Variants in BMP7 observed in about 807,000 individuals in gnomAD.
BMP7 encodes the protein osteogenic protein 1.
Under a neutral mutation model 41.2 loss-of-function variants are expected in BMP7, and 12 were observed. The observed-to-expected ratio is 0.29, with a 90% confidence interval of 0.19 to 0.47. The LOEUF (loss-of-function observed/expected upper bound fraction) is 0.47, where lower values mean the gene tolerates loss of function less well. BMP7 is among the 20% of genes least tolerant of loss of function. The pLI is 0.99. For missense variants in BMP7, 467 were observed against 606.0 expected, an observed-to-expected ratio of 0.77 and a Z score of 2.41; for synonymous variants, 248 against 250.0, an observed-to-expected ratio of 0.99 and a Z score of 0.07.
At chr20:57,249,098 G>A (rs368706294) in intron 1 of BMP7, among the ~76,000 whole-genome samples, 1 of 152,056 alleles carries the variant, frequency 6.6e-6, no homozygotes, top group South Asian at 2.1e-4. Context: ...ACCACGCCCG[G>A]CTGACTGCTG....
intron 1 of BMP7, among the ~76,000 whole-genome samples, chr20:57,263,639 G>A (rs1489619471): frequency 6.6e-6 from 1 of 152,156 alleles, no homozygotes; most frequent in East Asian, 1.9e-4. Flanking sequence ...CATTCAGTGG[G>A]AGTCCGGGGT....
rs550273460 is a variant in BMP7, at chr20:57,208,705, T to G, written c.612-6082A>C. 8.5e-5 allele frequency among the ~76,000 whole-genome samples: 13 copies of G among 152,286 alleles called. No individual in the cohort carries two copies. In the South Asian group the frequency reaches 2.7e-3, roughly 32 times the overall value. On this transcript the variant is annotated intron_variant, in intron 2 of 6. Transcript: ENST00000395863. ...AAGTGTCCATCAACTCATGAACAGA[T>G]AAACAAAATACAGTCAATTGATACA...
chr20:57,225,826 CT>C, intron 2 of BMP7: 2 of 470,564 alleles, frequency 4.3e-6, no homozygotes, highest in South Asian at 3.1e-5. Flanking sequence ...GCTTCTCACC[CT>C]ATTCCCTTCC....
chr20:57,252,646 G>A (rs1158880998), intron 1 of BMP7, among the ~76,000 whole-genome samples: 1 of 152,238 alleles, frequency 6.6e-6, no homozygotes, highest in Non-Finnish European at 1.5e-5. Flanking sequence ...TCTCCAGGGT[G>A]TTTCAAAGCC....
intron 3 of BMP7, among the ~76,000 whole-genome samples, chr20:57,190,148 G>T (rs750704349): frequency 1.1e-4 from 17 of 152,092 alleles, no homozygotes; most frequent in African/African-American, 3.1e-4. Flanking sequence ...GGAACCGGAG[G>T]GGGTGAAGCT....
intron 2 of BMP7, among the ~76,000 whole-genome samples, chr20:57,204,529 A>G (rs1225333132): frequency 6.6e-6 from 1 of 152,270 alleles, no homozygotes. Context: ...AGAAACAGAC[A>G]GGAACCGAGG....
At chr20:57,206,626 G>A (rs1283465708) in intron 2 of BMP7, among the ~76,000 whole-genome samples, 1 of 152,186 alleles carries the variant, frequency 6.6e-6, no homozygotes, top group African/African-American at 2.4e-5. Flanking sequence ...ATGGAGAAGG[G>A]ATAAGGCAAG....
chr20:57,262,005 C>T (rs1320159232), intron 1 of BMP7, among the ~76,000 whole-genome samples: 1 of 152,226 alleles, frequency 6.6e-6, no homozygotes, highest in Non-Finnish European at 1.5e-5. Flanking sequence ...TATAGGCTGA[C>T]TCCAATAATG....
chr20:57,169,759 G>GTT lies in BMP7; in HGVS notation c.*1198_*1199dup. 2 of 149,380 alleles carry GTT rather than the reference G, an allele frequency of 1.3e-5. No homozygotes were observed. Among genetic ancestry groups the GTT allele is most frequent in the East Asian group, 2.0e-4 (1 of 5,084 alleles). 9.3% of individuals were successfully genotyped at this position (149,380 alleles called of 1,614,324 possible). ...TGGAGAACTAGGCTTCATTGGTGCT[G>GTT]TTTTTTTTTTCTTTTGAGATGGAGT... is the stretch of plus-strand genomic sequence containing the variant. On this transcript the variant is annotated 3_prime_UTR_variant, in exon 7 of 7. Transcript: ENST00000395863.
chr20:57,199,345 C>A (rs1369761111), intron 3 of BMP7, among the ~76,000 whole-genome samples: 1 of 152,166 alleles, frequency 6.6e-6, no homozygotes, highest in East Asian at 1.9e-4. Flanking sequence ...TGTCACTGGG[C>A]CAGGCCTCAA....
rs2123058395 is a variant in BMP7, at chr20:57,175,419, C to G, written c.959-412G>C. 2.0e-5 allele frequency among the ~76,000 whole-genome samples: 3 copies of G among 152,346 alleles called. No homozygotes were observed. In the South Asian group the frequency reaches 6.2e-4, roughly 32 times the overall value. On this transcript the variant is annotated intron_variant, in intron 4 of 6. Transcript: ENST00000395863. ...GAGATCTGCTTATGAACAACCTCAA[C>G]TCGTGAGGCCCCAACACACTCATCC...
At chr20:57,201,599 A>G (rs1984622023) in intron 3 of BMP7, among the ~76,000 whole-genome samples, 1 of 152,266 alleles carries the variant, frequency 6.6e-6, no homozygotes, top group Non-Finnish European at 1.5e-5. Context: ...TTACACATGT[A>G]TTGTTCATAG....
At chr20:57,212,145 G>C (rs934142443) in intron 2 of BMP7, among the ~76,000 whole-genome samples, 6 of 152,194 alleles carry the variant, frequency 3.9e-5, no homozygotes, top group African/African-American at 9.7e-5. Context: ...AGAGGCCTCT[G>C]GGTGAGCAAG....
In BMP7 at chr20:57,266,350, C is replaced by G; in HGVS notation, c.-228G>C. On this transcript the variant is annotated 5_prime_UTR_variant, in exon 1 of 7. Transcript: ENST00000395863. ...TCGCCCCGCACTCGCCCGGGCGCAC[C>G]GCAGGGCTTGGAAAGCAGCCCCGGC... is the stretch of plus-strand genomic sequence containing the variant. The G allele has an allele frequency of 3.6e-6, 1 of 281,362 alleles. No individual in the cohort carries two copies. The highest frequency in any genetic ancestry group is 6.4e-6 in the Non-Finnish European group (1 of 157,238). 17.4% of individuals were successfully genotyped at this position (281,362 alleles called of 1,614,324 possible).
Position 57,215,626 on chromosome 20 carries a change from G to A in BMP7, c.611+12603C>T, listed in dbSNP as rs1389361290. ...CTGGGGGGTCCCCCCAGAAAAATCTGGGGGGCACTGCAGAGCTTCTGACAC... is the reference window on the plus strand; with the variant it reads ...CTGGGGGGTCCCCCCAGAAAAATCTAGGGGGCACTGCAGAGCTTCTGACAC... On this transcript the variant is annotated intron_variant, in intron 2 of 6. Transcript: ENST00000395863. This position sits in a 1 kb window ranked among gnomAD's most constrained non-coding sequence, Gnocchi z 4.2. 4 of 152,044 alleles carry A rather than the reference G, an allele frequency of 2.6e-5. No individual in the cohort carries two copies. Among genetic ancestry groups the A allele is most frequent in the Non-Finnish European group, 5.9e-5 (4 of 68,000 alleles). The allele number at this position is 152,044 out of a possible 1,614,324, so 9.4% of individuals were successfully genotyped here. A position where few individuals can be genotyped will look rare whatever the true frequency, so the allele number is the denominator to read the frequency against.
chr20:57,248,887 C>T (rs1203516683), intron 1 of BMP7, among the ~76,000 whole-genome samples: 2 of 151,588 alleles, frequency 1.3e-5, no homozygotes, highest in African/African-American at 4.9e-5. Flanking sequence ...CAAGCTCCGC[C>T]TCCTGGGTTC....
intron 2 of BMP7, 95 bp from the exon 3 acceptor site, chr20:57,202,718 G>T: frequency 1.7e-6 from 2 of 1,173,168 alleles, no homozygotes; most frequent in Non-Finnish European, 2.4e-6. Context: ...GGGGTGGGAG[G>T]GGAGGGAAAG....
Position 57,171,184 on chromosome 20 carries a change from G to C in BMP7, c.1147-76C>G. ...TAACTGGCCTCCACGTTTCTATAAA[G>C]AAACATCCTGTCTGGGCATAATGAA... On this transcript the variant is annotated intron_variant, in intron 6 of 6. Coordinates refer to ENST00000395863, the MANE Select transcript of BMP7 (RefSeq NM_001719.3). The surrounding 1 kb of genome is among the most constrained non-coding windows in gnomAD (Gnocchi z 4.5). 1 of 1,592,442 alleles carries C rather than the reference G, an allele frequency of 6.3e-7. No homozygotes were observed. Among genetic ancestry groups the C allele is most frequent in the Non-Finnish European group, 8.6e-7 (1 of 1,162,550 alleles).
At chr20:57,212,145 G>A (rs934142443) in intron 2 of BMP7, among the ~76,000 whole-genome samples, 1 of 152,194 alleles carries the variant, frequency 6.6e-6, no homozygotes, top group Non-Finnish European at 1.5e-5. Flanking sequence ...AGAGGCCTCT[G>A]GGTGAGCAAG....
Sources: gnomAD v4.1 joint callset for allele counts (sites outside exome capture counted in the v4.1 genomes callset) on GRCh38, gnomAD v4.1.1 for gene constraint, Gnocchi (gnomAD v3.1) non-coding constraint, MANE v1.5 for transcripts, NCBI Gene and HGNC (gene_info 2026-07-23, HGNC 2026-07-21) for gene names.